UCHL5: variants seen among roughly 807,000 people sequenced by gnomAD.
The protein encoded by UCHL5 is ubiquitin carboxyl-terminal hydrolase isozyme L5.
UCHL5 carries 34 observed loss-of-function variants against 53.8 expected under a neutral mutation model. The observed-to-expected ratio is 0.63, with a 90% CI of 0.48 to 0.84. UCHL5 has a LOEUF of 0.84. Ranked by LOEUF, UCHL5 falls within the 40% of genes least tolerant of loss-of-function variation. The pLI, the probability that UCHL5 is intolerant of heterozygous loss-of-function variation, is 0.00. For synonymous variants in UCHL5, 111 were observed against 126.3 expected (o/e 0.88, Z 0.81); for missense variants, 290 against 385.6 (o/e 0.75, Z 2.08).
intron 3 of UCHL5, among the ~76,000 whole-genome samples, chr1:193,047,901 A>T (rs1185928823): frequency 2.0e-5 from 3 of 152,172 alleles, no homozygotes; most frequent in African/African-American, 7.2e-5. Context: ...TAAGAGTTTT[A>T]AAAAAAGAAA....
chr1:193,043,164 A>T (rs1461938777), intron 3 of UCHL5, among the ~76,000 whole-genome samples: 2 of 148,026 alleles, frequency 1.4e-5, no homozygotes, highest in Non-Finnish European at 3.0e-5. Context: ...AAAAAAAAAA[A>T]AAAAAAAAAA....
At chr1:193,058,675 A>G (rs1671630158) in intron 1 of UCHL5, among the ~76,000 whole-genome samples, 1 of 152,240 alleles carries the variant, frequency 6.6e-6, no homozygotes, top group Admixed American at 6.5e-5. Flanking sequence ...CCGAAGAGCT[A>G]TTCACACATT....
intron 9 of UCHL5, 124 bp from the exon 10 acceptor site, chr1:193,021,319 T>C (rs770517748): frequency 4.8e-6 from 3 of 619,696 alleles, no homozygotes; most frequent in South Asian, 2.2e-5. Context: ...TTAGAAATAA[T>C]GAGATTCCAT....
At chr1:193,016,969 C>T (rs530325920) in intron 10 of UCHL5, among the ~76,000 whole-genome samples, 3 of 151,814 alleles carry the variant, frequency 2.0e-5, no homozygotes, top group African/African-American at 7.2e-5. Flanking sequence ...TATTCTTTAG[C>T]AAATGAAAAA....
intron 3 of UCHL5, among the ~76,000 whole-genome samples, chr1:193,038,379 C>CG (rs543054397): frequency 0.012 from 1,830 of 148,478 alleles, 19 homozygotes; most frequent in South Asian, 0.036. Context: ...TGGCGTGAAC[C>CG]GGGAGGCGGA....
At chr1:193,044,541 A>G (rs116199430) in intron 3 of UCHL5, among the ~76,000 whole-genome samples, 1,933 of 152,292 alleles carry the variant, frequency 0.013, 41 homozygotes, top group African/African-American at 0.043. Context: ...CCAATGATAC[A>G]CAGACACACA....
chr1:193,023,269 T>C (rs1336880176), intron 8 of UCHL5, among the ~76,000 whole-genome samples: 1 of 152,196 alleles, frequency 6.6e-6, no homozygotes, highest in Non-Finnish European at 1.5e-5. Context: ...CGCTGTAATA[T>C]ACTCTATTGC....
At chr1:193,021,339 G>C in intron 9 of UCHL5, 144 bp from the exon 10 acceptor site, 1 of 581,876 alleles carries the variant, frequency 1.7e-6, no homozygotes, top group Non-Finnish European at 2.9e-6. Flanking sequence ...TTCCCACTGA[G>C]AATAAAAATT....
chr1:193,042,169 A>C (rs1038886227), intron 3 of UCHL5, among the ~76,000 whole-genome samples: 6 of 152,116 alleles, frequency 3.9e-5, no homozygotes, highest in Non-Finnish European at 7.4e-5. Context: ...TTATCAAGTT[A>C]AAATTTTATT....
chr1:193,049,489 G>A (rs1165745575), intron 3 of UCHL5: 1 of 275,136 alleles, frequency 3.6e-6, no homozygotes, highest in Non-Finnish European at 6.8e-6. Context: ...ACAGTTATAA[G>A]CCACCATGCC....
intron 3 of UCHL5, among the ~76,000 whole-genome samples, chr1:193,043,887 C>T (rs1287541139): frequency 6.6e-6 from 1 of 152,180 alleles, no homozygotes; most frequent in East Asian, 1.9e-4. Context: ...TGGAACTTTC[C>T]TGAACTCTAC....
At chr1:193,030,146 AT>A (rs913453391) in intron 3 of UCHL5, among the ~76,000 whole-genome samples, 8 of 151,950 alleles carry the variant, frequency 5.3e-5, no homozygotes, top group Admixed American at 2.0e-4. Context: ...ATGTCCACAT[AT>A]TTTTTTTCAC....
chr1:193,058,257 A>G (rs1297641593), intron 1 of UCHL5, among the ~76,000 whole-genome samples: 5 of 152,086 alleles, frequency 3.3e-5, no homozygotes, highest in Admixed American at 3.3e-4. Context: ...CCCAATCCTT[A>G]CCACTGTGCC....
intron 3 of UCHL5, among the ~76,000 whole-genome samples, chr1:193,037,896 A>G (rs1373204469): frequency 6.6e-6 from 1 of 151,366 alleles, no homozygotes; most frequent in Non-Finnish European, 1.5e-5. Context: ...GTATTAAAAA[A>G]AAAAAAAAAA....
chr1:193,026,185 C>T (rs1659157180), intron 7 of UCHL5, among the ~76,000 whole-genome samples: 1 of 149,506 alleles, frequency 6.7e-6, no homozygotes, highest in Non-Finnish European at 1.5e-5. Flanking sequence ...AAACATTAAA[C>T]TATAAACTTT....
chr1:193,053,475 A>G (rs1669702181), intron 1 of UCHL5, among the ~76,000 whole-genome samples: 1 of 152,266 alleles, frequency 6.6e-6, no homozygotes, highest in African/African-American at 2.4e-5. Flanking sequence ...TATTCAATTT[A>G]GCATCTATCT....
chr1:193,040,581 T>C (rs1318506586), intron 3 of UCHL5, among the ~76,000 whole-genome samples: 1 of 152,180 alleles, frequency 6.6e-6, no homozygotes, highest in Non-Finnish European at 1.5e-5. Flanking sequence ...GAAAACTGTA[T>C]GGAGGTTATG....
Position 193,016,180 on chromosome 1 carries a change from G to A in UCHL5, c.*171C>T, listed in dbSNP as rs1444118392. 1 of 673,666 alleles carries A rather than the reference G, an allele frequency of 1.5e-6. No homozygotes were observed. Among genetic ancestry groups the A allele is most frequent in the Non-Finnish European group, 2.5e-6 (1 of 393,722 alleles). The allele number at this position is 673,666 out of a possible 1,614,324, so 41.7% of individuals were successfully genotyped here. On this transcript the variant is annotated 3_prime_UTR_variant, in exon 11 of 11. Transcript: ENST00000367454. ...CATTTAATATGCACTACATGCACAT[G>A]ATGCAGGTAGGGAAGAAGTTTATGA...
intron 7 of UCHL5, 81 bp from the exon 8 acceptor site, chr1:193,024,027 C>A: frequency 9.9e-7 from 1 of 1,009,672 alleles, no homozygotes; most frequent in South Asian, 1.7e-5. Flanking sequence ...CGTGATTCCC[C>A]TCTTGATTTT....
Sources: gnomAD v4.1 joint callset for allele counts (sites outside exome capture counted in the v4.1 genomes callset) on GRCh38, gnomAD v4.1.1 for gene constraint, MANE v1.5 for transcripts, NCBI Gene and HGNC (gene_info 2026-07-23, HGNC 2026-07-21) for gene names.